The following CRAMP1 variants were observed in gnomAD, a reference collection of about 807,000 sequenced individuals.
CRAMP1 encodes the protein protein cramped-like.
A neutral mutation model predicts 115.4 loss-of-function variants in CRAMP1; 50 were observed. That is an observed-to-expected ratio of 0.43 (90% confidence interval 0.35 to 0.55). CRAMP1 has a LOEUF of 0.55. Among genes scored for constraint, CRAMP1 ranks in the 20% least tolerant of loss-of-function variants. The pLI, the probability that CRAMP1 is intolerant of heterozygous loss-of-function variation, is 0.01. For missense variants in CRAMP1, 1,679 were observed against 1,721.7 expected (o/e 0.98, Z 0.44); for synonymous variants, 866 against 745.4 (o/e 1.16, Z -2.64).
chr16:1,652,008 C>T (rs778878390), intron 6 of CRAMP1, among the ~76,000 whole-genome samples: 3 of 145,046 alleles, frequency 2.1e-5, no homozygotes, highest in Non-Finnish European at 4.6e-5. Flanking sequence ...TCATGTAGAG[C>T]TGGATTTAGG....
intron 10 of CRAMP1, among the ~76,000 whole-genome samples, chr16:1,659,660 T>A (rs1369059568): frequency 1.3e-5 from 2 of 152,228 alleles, no homozygotes; most frequent in Non-Finnish European, 2.9e-5. Flanking sequence ...GTGCTGGGAT[T>A]ACAGGCGTGA....
intron 3 of CRAMP1, 66 bp downstream of exon 3, chr16:1,626,232 C>T: frequency 2.2e-6 from 3 of 1,348,882 alleles, no homozygotes; most frequent in East Asian, 2.6e-5. Context: ...GCCCTCCGTT[C>T]CCCGTGCTTC....
In CRAMP1 at chr16:1,656,417, G is replaced by C. The variant is rs776911598; in HGVS notation, c.1660G>C (p.Glu554Gln). 1 of 1,588,432 alleles carries C rather than the reference G, an allele frequency of 6.3e-7. No homozygotes were observed. The highest frequency in any genetic ancestry group is 8.6e-7 in the Non-Finnish European group (1 of 1,167,776). ...TGGCCAGCTCCCAGACCTGGAGGACGAGCTCTCGCTTCTAGACCCCTTGCC... is the reference window on the plus strand; with the variant it reads ...TGGCCAGCTCCCAGACCTGGAGGACCAGCTCTCGCTTCTAGACCCCTTGCC... ...ACGQLPDLED[E>Q]LSLLDPLPRY... The change falls in exon 10 of 21, where the codon GAG becomes CAG. Residue 554 changes from glutamate (E) to glutamine (Q), a missense_variant. Coordinates refer to ENST00000397412, the MANE Select transcript of CRAMP1 (RefSeq NM_020825.4). This position sits in a 1 kb window ranked among gnomAD's most constrained non-coding sequence, Gnocchi z 5.6.
At chr16:1,646,835 C>G (rs964493778) in intron 6 of CRAMP1, among the ~76,000 whole-genome samples, 1 of 152,146 alleles carries the variant, frequency 6.6e-6, no homozygotes, top group South Asian at 2.1e-4. Flanking sequence ...TTTTGTGTAC[C>G]ATGTGAAGTT....
At chr16:1,612,706 G>A (rs867024975) in intron 1 of CRAMP1, among the ~76,000 whole-genome samples, 49 bp downstream of exon 1, 23 of 152,218 alleles carry the variant, frequency 1.5e-4, no homozygotes, top group African/African-American at 4.8e-4. Context: ...CCGGCCGGGG[G>A]GTCCTGTCGG....
rs559271202 is a variant in CRAMP1, at chr16:1,665,086, C to G, written c.2700C>G (p.Asn900Lys). ...QRTLLPRPSE[N>K]QSHNVCSFSI... ...CACTGCTCCCTAGACCATCGGAAAA[C>G]CAGTCCCACAACGTTTGTTCCTTCT... Residue 900 changes from asparagine (N) to lysine (K), a missense_variant, in exon 14 of 21, where the codon AAC (asparagine) becomes AAG (lysine). By Grantham distance (94) the Asn-to-Lys change is moderately conservative. Coordinates refer to ENST00000397412, the MANE Select transcript of CRAMP1 (RefSeq NM_020825.4). 1 of 1,613,186 alleles carries G rather than the reference C, an allele frequency of 6.2e-7. No individual in the cohort carries two copies. The highest frequency in any genetic ancestry group is 2.2e-5 in the East Asian group (1 of 44,874).
rs2036969079 is a variant in CRAMP1 at position 1,676,458 on chromosome 16, T to C, written c.*2413T>C. 1 of 152,220 alleles carries C rather than the reference T, an allele frequency of 6.6e-6. No individual in the cohort carries two copies. Among genetic ancestry groups the C allele is most frequent in the Non-Finnish European group, 1.5e-5 (1 of 68,034 alleles). The allele number at this position is 152,220 out of a possible 1,614,324, so 9.4% of individuals were successfully genotyped here. On this transcript the variant is annotated 3_prime_UTR_variant, in exon 21 of 21. Transcript: ENST00000397412. ...TGGATACATTTTCTTCTGGCCTAAA[T>C]GAATATTTATGTGCAAACATAGGCA...
At chr16:1,634,082 G>GGC (rs1173513011) in intron 4 of CRAMP1, among the ~76,000 whole-genome samples, 1 of 152,134 alleles carries the variant, frequency 6.6e-6, no homozygotes, top group Admixed American at 6.5e-5. Context: ...CATCCACTGT[G>GGC]GCTGGTCTTG....
intron 8 of CRAMP1, among the ~76,000 whole-genome samples, chr16:1,654,322 C>T (rs932702528): frequency 1.3e-5 from 2 of 151,604 alleles, no homozygotes; most frequent in African/African-American, 4.8e-5. Flanking sequence ...AGTGATTCTC[C>T]TGCCTCAGCC....
At chr16:1,618,177 TA>T (rs1173560374) in intron 2 of CRAMP1, among the ~76,000 whole-genome samples, 2 of 152,136 alleles carry the variant, frequency 1.3e-5, no homozygotes, top group South Asian at 2.1e-4. Flanking sequence ...TTGGATAAAA[TA>T]AACACCTGCC....
At chr16:1,615,956 A>G (rs1051939625) in intron 2 of CRAMP1, among the ~76,000 whole-genome samples, 9 of 152,240 alleles carry the variant, frequency 5.9e-5, no homozygotes, top group Admixed American at 5.2e-4. Context: ...TTACGAACTA[A>G]TGGAGAACCT....
intron 6 of CRAMP1, among the ~76,000 whole-genome samples, chr16:1,642,943 C>T (rs74316708): frequency 1.3e-5 from 2 of 152,186 alleles, no homozygotes; most frequent in African/African-American, 2.4e-5. Flanking sequence ...CAGCGCCATC[C>T]GCGGGAGAAC....
rs2036392998 is a variant in CRAMP1 at position 1,614,104 on chromosome 16, G to A, written c.-1-535G>A. Among the ~76,000 whole-genome samples, 1 of 133,244 alleles carries A rather than the reference G, an allele frequency of 7.5e-6. No individual in the cohort carries two copies. The highest frequency in any genetic ancestry group is 2.4e-4 in the South Asian group (1 of 4,164). The allele number at this position is 133,244 out of a possible 152,430, so 87.4% of individuals were successfully genotyped here. ...CAGGTGCGCGGGGCCCGGGAGCCCC[G>A]CGCCTTTCGGGGGGCGGGGAGGGGG... is the stretch of plus-strand genomic sequence containing the variant. On this transcript the variant is annotated intron_variant, in intron 1 of 20. Transcript: ENST00000397412. The surrounding 1 kb of genome is among the most constrained non-coding windows in gnomAD (Gnocchi z 4.4).
chr16:1,655,911 C>CT lies in CRAMP1; in HGVS notation c.1154_1155insT (p.Cys386MetfsTer84). On this transcript the variant is annotated frameshift_variant, in exon 10 of 21. Transcript: ENST00000397412. LOFTEE classifies it high-confidence loss of function. ...CTCGAGGAGCGGCAGCTGCAGGACT[C>CT]ATGCTCCGCACCGATGCAGGAGAAG... The CT allele has an allele frequency of 6.2e-7, 1 of 1,612,334 alleles. No homozygotes were observed.
chr16:1,635,730 C>T (rs2142181322), intron 4 of CRAMP1, among the ~76,000 whole-genome samples: 2 of 152,294 alleles, frequency 1.3e-5, no homozygotes, highest in East Asian at 3.9e-4. Context: ...CTTAGTGGTT[C>T]TTAATGTACT....
At chr16:1,613,719 C>G (rs1032426217) in intron 1 of CRAMP1, among the ~76,000 whole-genome samples, 1 of 152,102 alleles carries the variant, frequency 6.6e-6, no homozygotes, top group African/African-American at 2.4e-5. Context: ...TAATTGTTGC[C>G]AAGAGTTTTA....
Position 1,670,824 on chromosome 16 carries a change from C to T in CRAMP1, c.3645+15C>T, listed in dbSNP as rs1381373417. ...ACGTTGCAGAGGTGAGTGCATTGAC[C>T]TCACAGCTGCACCTGACCACCAACC... is the stretch of plus-strand genomic sequence containing the variant. On this transcript the variant is annotated intron_variant, in intron 20 of 20. Coordinates refer to ENST00000397412, the MANE Select transcript of CRAMP1 (RefSeq NM_020825.4). The T allele has an allele frequency of 6.2e-7, 1 of 1,612,830 alleles. No homozygotes were observed. The highest frequency in any genetic ancestry group is 8.5e-7 in the Non-Finnish European group (1 of 1,179,142).
intron 5 of CRAMP1, among the ~76,000 whole-genome samples, chr16:1,639,691 C>T (rs768525124): frequency 1.3e-5 from 2 of 152,108 alleles, no homozygotes; most frequent in African/African-American, 4.8e-5. Flanking sequence ...TGTAAATGTC[C>T]GATTGCTTTC....
rs886487755 is a variant in CRAMP1 at position 1,675,054 on chromosome 16, T to A, written c.*1009T>A. ...TGACATACGTGTTCAGTCCCTTGCA[T>A]ACCTTTGCCTTGAGACTTCTGTGTC... On this transcript the variant is annotated 3_prime_UTR_variant, in exon 21 of 21. Transcript: ENST00000397412. The A allele has an allele frequency of 1.3e-5, 2 of 152,280 alleles. No homozygotes were observed. The highest frequency in any genetic ancestry group is 4.8e-5 in the African/African-American group (2 of 41,460). 9.4% of individuals were successfully genotyped at this position (152,280 alleles called of 1,614,324 possible). A position where few individuals can be genotyped will look rare whatever the true frequency, so the allele number is the denominator to read the frequency against.
Sources: allele counts gnomAD v4.1 joint callset (sites outside exome capture counted in the v4.1 genomes callset), GRCh38; gene constraint gnomAD v4.1.1; non-coding constraint Gnocchi (gnomAD v3.1); transcripts MANE v1.5; gene names NCBI Gene and HGNC (gene_info 2026-07-23, HGNC 2026-07-21).